The following LRIG1 variants were observed in gnomAD, a reference collection of about 807,000 sequenced individuals.
LRIG1 encodes leucine-rich repeats and immunoglobulin-like domains protein 1.
Under a neutral mutation model 99.2 loss-of-function variants are expected in LRIG1, and 48 were observed. The ratio of observed to expected loss-of-function variants is 0.48; its 90% CI spans 0.38 to 0.62. The LOEUF (loss-of-function observed/expected upper bound fraction) is 0.62. LRIG1 is among the 20% of genes least tolerant of loss of function. The probability of loss-of-function intolerance (pLI) is 0.00; values close to 1 mark genes in which losing one functional copy is unlikely to be tolerated. For synonymous variants in LRIG1, 772 were observed against 596.1 expected, an observed-to-expected ratio of 1.29 and a Z score of -4.30; for missense variants, 1,646 against 1,434.4, an observed-to-expected ratio of 1.15 and a Z score of -2.38.
intron 3 of LRIG1, among the ~76,000 whole-genome samples, chr3:66,445,385 G>A (rs549346559): frequency 2.0e-5 from 3 of 152,066 alleles, no homozygotes; most frequent in African/African-American, 7.2e-5. Context: ...AGTAGCATGG[G>A]GACCTATATA....
intron 3 of LRIG1, among the ~76,000 whole-genome samples, chr3:66,447,673 C>A (rs1445452386): frequency 6.6e-6 from 1 of 152,178 alleles, no homozygotes; most frequent in East Asian, 1.9e-4. Flanking sequence ...ACAGTCCATG[C>A]ACAGGAGACA....
At chr3:66,443,459 G>A (rs942639920) in intron 3 of LRIG1, among the ~76,000 whole-genome samples, 1 of 152,124 alleles carries the variant, frequency 6.6e-6, no homozygotes, top group African/African-American at 2.4e-5. Context: ...CCACTGTGTT[G>A]GCTGAACATT....
intron 12 of LRIG1, chr3:66,386,550 C>G (rs987298528): frequency 2.2e-6 from 1 of 462,940 alleles, no homozygotes; most frequent in Admixed American, 3.7e-5. Context: ...ATTAACCCAC[C>G]ACTTCTCAGT....
At chr3:66,394,283 G>A (rs1283334496) in intron 11 of LRIG1, 80 bp from the exon 12 acceptor site, 22 of 1,235,084 alleles carry the variant, frequency 1.8e-5, no homozygotes, top group South Asian at 1.7e-4. Context: ...ATGATCAGTC[G>A]CCTCCAATCA....
At chr3:66,419,289 T>C (rs549001997) in intron 3 of LRIG1, among the ~76,000 whole-genome samples, 12 of 152,330 alleles carry the variant, frequency 7.9e-5, no homozygotes, top group Non-Finnish European at 1.8e-4. Flanking sequence ...TCTTTGTCTG[T>C]GGTCCGGTAC....
At chr3:66,433,504 G>A (rs554332868) in intron 3 of LRIG1, among the ~76,000 whole-genome samples, 20 of 152,230 alleles carry the variant, frequency 1.3e-4, no homozygotes, top group Non-Finnish European at 2.5e-4. Flanking sequence ...AGCTGTTTCA[G>A]CACTTGGCTG....
chr3:66,435,447 T>C (rs1703325252), intron 3 of LRIG1, among the ~76,000 whole-genome samples: 1 of 151,974 alleles, frequency 6.6e-6, no homozygotes, highest in Non-Finnish European at 1.5e-5. Flanking sequence ...GGTGTGGTGG[T>C]GCATACCTGT....
Position 66,451,641 on chromosome 3 carries a change from A to C in LRIG1, c.291-8T>G, listed in dbSNP as rs1265986468. On this transcript the variant is annotated splice_region_variant and splice_polypyrimidine_tract_variant and intron_variant, in intron 2 of 18. Transcript: ENST00000273261. Reference sequence around the variant, plus strand: ...TCATTATTATTGAGGTACCTGTAACAACAACAAGAAATTAATCATGTAAGG... The same window carrying C: ...TCATTATTATTGAGGTACCTGTAACCACAACAAGAAATTAATCATGTAAGG... 1 of 1,608,284 alleles carries C rather than the reference A, an allele frequency of 6.2e-7. No homozygotes were observed. Among genetic ancestry groups the C allele is most frequent in the Non-Finnish European group, 8.5e-7 (1 of 1,174,998 alleles).
At chr3:66,414,068 T>G (rs1702547352) in intron 5 of LRIG1, among the ~76,000 whole-genome samples, 1 of 152,140 alleles carries the variant, frequency 6.6e-6, no homozygotes, top group South Asian at 2.1e-4. Context: ...GTACTCAGCC[T>G]TCCATCAGTA....
At chr3:66,382,508 G>T in intron 15 of LRIG1, 110 bp from the exon 16 acceptor site, 2 of 1,257,840 alleles carry the variant, frequency 1.6e-6, no homozygotes, top group Non-Finnish European at 2.3e-6. Context: ...GACCATCAGC[G>T]CTGTGCAGAG....
intron 3 of LRIG1, among the ~76,000 whole-genome samples, chr3:66,445,357 C>T (rs112636033): frequency 1.3e-4 from 20 of 151,846 alleles, no homozygotes; most frequent in East Asian, 1.9e-4. Flanking sequence ...GGTTGCTACG[C>T]GGGGGAAGCC....
intron 3 of LRIG1, among the ~76,000 whole-genome samples, chr3:66,429,400 G>A (rs983666137): frequency 7.9e-5 from 12 of 152,184 alleles, no homozygotes; most frequent in African/African-American, 2.9e-4. Flanking sequence ...CATTTAAGAT[G>A]CACAAATAAA....
intron 5 of LRIG1, among the ~76,000 whole-genome samples, 162 bp from the exon 6 acceptor site, chr3:66,413,176 C>CT (rs1357597637): frequency 2.6e-5 from 4 of 152,208 alleles, no homozygotes. Context: ...TGTGTCTCGG[C>CT]TGCCATGCAG....
chr3:66,416,219 G>C (rs1430860015), intron 4 of LRIG1, among the ~76,000 whole-genome samples: 2 of 152,196 alleles, frequency 1.3e-5, no homozygotes, highest in African/African-American at 4.8e-5. Flanking sequence ...GCCCACACTG[G>C]AGGCTTCACA....
intron 1 of LRIG1, among the ~76,000 whole-genome samples, chr3:66,479,765 G>C (rs953326919): frequency 3.9e-5 from 6 of 152,164 alleles, no homozygotes; most frequent in Non-Finnish European, 8.8e-5. Context: ...CACCCACTAG[G>C]ATGGCTAAAA....
chr3:66,390,994 A>T (rs1193984339), intron 12 of LRIG1, among the ~76,000 whole-genome samples: 1 of 150,302 alleles, frequency 6.7e-6, no homozygotes, highest in African/African-American at 2.5e-5. Flanking sequence ...CTGGCAAATG[A>T]TTTAAATAGC....
At chr3:66,440,973 G>A (rs777928989) in intron 3 of LRIG1, among the ~76,000 whole-genome samples, 3 of 152,114 alleles carry the variant, frequency 2.0e-5, no homozygotes, top group Admixed American at 6.5e-5. Flanking sequence ...CTGAATCAGC[G>A]TAAGGTGAAG....
At chr3:66,443,366 G>A (rs1703610959) in intron 3 of LRIG1, among the ~76,000 whole-genome samples, 1 of 148,242 alleles carries the variant, frequency 6.7e-6, no homozygotes, top group Non-Finnish European at 1.5e-5. Context: ...GGATGAGTGA[G>A]GGGGTGTGTG....
chr3:66,392,262 A>G lies in LRIG1; in HGVS notation c.1468+1778T>C, dbSNP rs183118880. 1.4e-3 allele frequency among the ~76,000 whole-genome samples: 216 copies of G among 152,344 alleles called. 1 individual carries two copies. Among genetic ancestry groups the G allele is most frequent in the Non-Finnish European group, 2.0e-3 (138 of 68,030 alleles). ...ATAATGCTGCTATGAACATTCATGA[A>G]GAAGTTTCTGTGTGAACATATACAT... is the stretch of plus-strand genomic sequence containing the variant. On this transcript the variant is annotated intron_variant, in intron 12 of 18. Transcript: ENST00000273261.
Sources: allele counts gnomAD v4.1 joint callset (sites outside exome capture counted in the v4.1 genomes callset), GRCh38; gene constraint gnomAD v4.1.1; transcripts MANE v1.5; gene names NCBI Gene and HGNC (gene_info 2026-07-23, HGNC 2026-07-21).